The following CADPS2 variants were observed in gnomAD, a reference collection of about 807,000 sequenced individuals.
CADPS2 encodes the protein calcium-dependent secretion activator 2.
Under a neutral mutation model 172.5 loss-of-function variants are expected in CADPS2, and 93 were observed. The observed-to-expected ratio is 0.54, with a 90% CI of 0.46 to 0.64. The LOEUF (loss-of-function observed/expected upper bound fraction) is 0.64. CADPS2 is among the 30% of genes least tolerant of loss of function. The pLI, the probability that CADPS2 is intolerant of heterozygous loss-of-function variation, is 0.00. For missense variants in CADPS2, 1,420 were observed against 1,565.9 expected, an observed-to-expected ratio of 0.91 and a Z score of 1.57; for synonymous variants, 546 against 555.2, an observed-to-expected ratio of 0.98 and a Z score of 0.23.
At chr7:122,439,904 AATGTATATGTCTCCC>A (rs1429799254) in intron 16 of CADPS2, among the ~76,000 whole-genome samples, 3 of 152,128 alleles carry the variant, frequency 2.0e-5, no homozygotes, top group African/African-American at 7.2e-5. Flanking sequence ...TTAAAGTTAG[AATGTATATGTCTCCC>A]AGGTAATATT....
chr7:122,782,058 T>C (rs1017331461), intron 1 of CADPS2, among the ~76,000 whole-genome samples: 3 of 152,216 alleles, frequency 2.0e-5, no homozygotes, highest in African/African-American at 7.2e-5. Context: ...TTTCTCACTA[T>C]TTTACAGTTG....
At chr7:122,324,219 C>G (rs890067309) in intron 29 of CADPS2, among the ~76,000 whole-genome samples, 6 of 151,954 alleles carry the variant, frequency 3.9e-5, no homozygotes, top group Non-Finnish European at 7.4e-5. Context: ...CATTTTAGGT[C>G]TGGTTCTACT....
Position 122,480,864 on chromosome 7 carries a change from C to T in CADPS2, c.1853-4G>A. 6.6e-7 allele frequency: 1 copy of T among 1,520,012 alleles called. No individual in the cohort carries two copies. Among genetic ancestry groups the T allele is most frequent in the Non-Finnish European group, 8.8e-7 (1 of 1,137,246 alleles). The allele number at this position is 1,520,012 out of a possible 1,614,324, so 94.2% of individuals were successfully genotyped here. A position where few individuals can be genotyped will look rare whatever the true frequency, so the allele number is the denominator to read the frequency against. On this transcript the variant is annotated splice_region_variant and splice_polypyrimidine_tract_variant and intron_variant, in intron 11 of 29. Coordinates refer to ENST00000449022, the MANE Select transcript of CADPS2 (RefSeq NM_017954.11). ...TGAAAATACTTACCTTTACCAGCTACAGGTCAGCAAAGAAATGAGAAACAA... is the reference window on the plus strand; with the variant it reads ...TGAAAATACTTACCTTTACCAGCTATAGGTCAGCAAAGAAATGAGAAACAA...
chr7:122,613,051 G>C (rs2074479513), intron 6 of CADPS2, among the ~76,000 whole-genome samples: 1 of 152,046 alleles, frequency 6.6e-6, no homozygotes, highest in South Asian at 2.1e-4. Context: ...AACCTAAAAT[G>C]GATCAGTGAC....
At chr7:122,701,628 AC>A (rs920051320) in intron 2 of CADPS2, 8 of 380,882 alleles carry the variant, frequency 2.1e-5, no homozygotes, top group African/African-American at 1.5e-4. Flanking sequence ...ACCTAAAAAA[AC>A]AATTAAAACT....
intron 6 of CADPS2, among the ~76,000 whole-genome samples, chr7:122,598,478 C>T (rs2072243301): frequency 6.6e-6 from 1 of 151,964 alleles, no homozygotes; most frequent in African/African-American, 2.4e-5. Flanking sequence ...ATTAATGTTG[C>T]AATTTGTGAA....
At position 122,335,728 on chromosome 7, in the gene CADPS2, C is replaced by A. The variant is rs1220386067; in HGVS notation, c.3612+9846G>T. ...TGACAGAGAACACTTTGAGAAGTTT[C>A]AAAGGACAGCCACAAAGATGATTAA... is the stretch of plus-strand genomic sequence containing the variant. On this transcript the variant is annotated intron_variant, in intron 28 of 29. Coordinates refer to ENST00000449022, the MANE Select transcript of CADPS2 (RefSeq NM_017954.11). 3.3e-5 allele frequency among the ~76,000 whole-genome samples: 5 copies of A among 151,946 alleles called. No homozygotes were observed. In the South Asian group the frequency reaches 8.3e-4, roughly 25 times the overall value.
intron 28 of CADPS2, among the ~76,000 whole-genome samples, chr7:122,343,378 G>T (rs1165701512): frequency 2.0e-5 from 3 of 152,150 alleles, no homozygotes; most frequent in Non-Finnish European, 2.9e-5. Context: ...TTGAATGAAA[G>T]TATATATAAC....
At chr7:122,829,997 A>G (rs992498990) in intron 1 of CADPS2, among the ~76,000 whole-genome samples, 1 of 149,800 alleles carries the variant, frequency 6.7e-6, no homozygotes, top group Admixed American at 6.7e-5. Flanking sequence ...ACTATTCATT[A>G]TGCCTTATAC....
At chr7:122,485,372 C>T (rs1347481071) in intron 11 of CADPS2, among the ~76,000 whole-genome samples, 1 of 152,178 alleles carries the variant, frequency 6.6e-6, no homozygotes, top group African/African-American at 2.4e-5. Context: ...CTCCAGTGAA[C>T]ACACAAATAA....
chr7:122,433,773 A>G (rs1329865280), intron 17 of CADPS2, among the ~76,000 whole-genome samples: 3 of 152,312 alleles, frequency 2.0e-5, no homozygotes, highest in African/African-American at 4.8e-5. Flanking sequence ...CGACCTGTAC[A>G]GTTGACCAGT....
intron 3 of CADPS2, among the ~76,000 whole-genome samples, chr7:122,642,976 T>A (rs1191380221): frequency 6.6e-6 from 1 of 152,202 alleles, no homozygotes; most frequent in Non-Finnish European, 1.5e-5. Flanking sequence ...AAAATATAAG[T>A]AGATTAGGGT....
intron 24 of CADPS2, among the ~76,000 whole-genome samples, chr7:122,386,802 A>G (rs1000766244): frequency 1.3e-5 from 2 of 152,128 alleles, no homozygotes; most frequent in African/African-American, 4.8e-5. Context: ...GCTATATCTA[A>G]AATTCATGGC....
chr7:122,689,692 G>T (rs1177009997), intron 2 of CADPS2, among the ~76,000 whole-genome samples: 2 of 152,132 alleles, frequency 1.3e-5, no homozygotes, highest in Admixed American at 1.3e-4. Flanking sequence ...AACTCCCAGG[G>T]GGTACAAAGT....
At chr7:122,452,083 G>GT (rs145574210) in intron 14 of CADPS2, among the ~76,000 whole-genome samples, 20,415 of 152,112 alleles carry the variant, frequency 0.13, 1,856 homozygotes, top group Non-Finnish European at 0.2. Flanking sequence ...TGAAATCAAT[G>GT]TGAGTTTCAT....
At chr7:122,687,533 C>T (rs1057342850) in intron 2 of CADPS2, among the ~76,000 whole-genome samples, 4 of 152,196 alleles carry the variant, frequency 2.6e-5, no homozygotes, top group South Asian at 2.1e-4. Context: ...AGTCTCTCTG[C>T]GTCTCCATTT....
intron 11 of CADPS2, among the ~76,000 whole-genome samples, chr7:122,482,150 C>T (rs964023562): frequency 1.3e-5 from 2 of 152,128 alleles, no homozygotes; most frequent in African/African-American, 4.8e-5. Context: ...TCGGGCATTC[C>T]TTGCACTCAG....
chr7:122,601,837 C>T (rs565113710), intron 6 of CADPS2, among the ~76,000 whole-genome samples: 4 of 152,088 alleles, frequency 2.6e-5, no homozygotes, highest in Non-Finnish European at 5.9e-5. Flanking sequence ...GGAGAAACTA[C>T]TGTGGACAAT....
At chr7:122,752,153 T>C (rs1219877552) in intron 1 of CADPS2, among the ~76,000 whole-genome samples, 1 of 152,208 alleles carries the variant, frequency 6.6e-6, no homozygotes, top group Non-Finnish European at 1.5e-5. Flanking sequence ...AATATTTTTG[T>C]GCTAAAGTAG....
Sources: allele counts gnomAD v4.1 joint callset (sites outside exome capture counted in the v4.1 genomes callset), GRCh38; gene constraint gnomAD v4.1.1; transcripts MANE v1.5; gene names NCBI Gene and HGNC (gene_info 2026-07-23, HGNC 2026-07-21).